Variants in ZKSCAN5 observed in about 807,000 individuals in gnomAD.
The protein encoded by ZKSCAN5 is zinc finger with KRAB and SCAN domains 5.
A neutral mutation model predicts 60.0 loss-of-function variants in ZKSCAN5; 28 were observed. The observed-to-expected ratio is 0.47, with a 90% confidence interval of 0.35 to 0.64. ZKSCAN5 has a LOEUF of 0.64. ZKSCAN5 is among the 30% of genes least tolerant of loss of function. The pLI is 0.01. For missense variants in ZKSCAN5, 881 were observed against 1,034.6 expected (o/e 0.85, Z 2.04); for synonymous variants, 361 against 371.2 (o/e 0.97, Z 0.31).
Position 99,506,010 on chromosome 7 carries a change from C to T in ZKSCAN5, c.-35C>T. ...CAGAAAAACAATTGTTTCAGTGTAACACAGCCAGCCTCGAAGACTTCCCTC... is the reference window on the plus strand; with the variant it reads ...CAGAAAAACAATTGTTTCAGTGTAATACAGCCAGCCTCGAAGACTTCCCTC... On this transcript the variant is annotated 5_prime_UTR_variant, in exon 2 of 7. Transcript: ENST00000326775. 6.3e-7 allele frequency: 1 copy of T among 1,599,250 alleles called. No individual in the cohort carries two copies. Among genetic ancestry groups the T allele is most frequent in the Non-Finnish European group, 8.5e-7 (1 of 1,171,628 alleles).
intron 3 of ZKSCAN5, among the ~76,000 whole-genome samples, chr7:99,518,568 G>A (rs1245565138): frequency 6.6e-6 from 1 of 151,912 alleles, no homozygotes; most frequent in Non-Finnish European, 1.5e-5. Flanking sequence ...TAAAGCTCGA[G>A]CAGCCCTGGA....
Position 99,520,049 on chromosome 7 carries a change from C to T in ZKSCAN5, c.637-120C>T. 1.1e-5 allele frequency: 17 copies of T among 1,499,396 alleles called. No individual in the cohort carries two copies. In the South Asian group the frequency reaches 2.0e-4, roughly 17 times the overall value. 92.9% of individuals were successfully genotyped at this position (1,499,396 alleles called of 1,614,324 possible). On this transcript the variant is annotated intron_variant, in intron 4 of 6. Coordinates refer to ENST00000326775, the MANE Select transcript of ZKSCAN5 (RefSeq NM_145102.4). ...CCTTTTTCCTTTCTGCCTAGTCCTT[C>T]CCCATCCTCTTTGAGGCACAGTTCC...
chr7:99,512,312 C>T, intron 2 of ZKSCAN5, 141 bp from the exon 3 acceptor site: 1 of 988,388 alleles, frequency 1.0e-6, no homozygotes, highest in Non-Finnish European at 1.5e-6. Context: ...TATTAAGTAA[C>T]TGCATAATCA....
chr7:99,507,523 G>GTATATATATGTATATATATGTA (rs1351822202), intron 2 of ZKSCAN5, among the ~76,000 whole-genome samples: 8 of 133,818 alleles, frequency 6.0e-5, no homozygotes, highest in East Asian at 2.1e-4. Flanking sequence ...GTGTATATAT[G>GTATATATATGTATATATATGTA]TATATGTGTA....
chr7:99,520,676 A>T (rs1323411260), intron 5 of ZKSCAN5, among the ~76,000 whole-genome samples: 1 of 152,042 alleles, frequency 6.6e-6, no homozygotes, highest in Non-Finnish European at 1.5e-5. Context: ...ACTTTAACAA[A>T]TTTTTGGTAG....
chr7:99,525,039 G>A (rs903935424), intron 5 of ZKSCAN5, among the ~76,000 whole-genome samples: 6 of 151,854 alleles, frequency 4.0e-5, no homozygotes, highest in Admixed American at 6.6e-5. Flanking sequence ...GGTGATGTGC[G>A]CCTGTAGTCC....
rs759503353 is a variant in ZKSCAN5 at position 99,531,976 on chromosome 7, A to T, written c.2247A>T (p.Ile749=). 1 of 1,614,218 alleles carries T rather than the reference A, an allele frequency of 6.2e-7. No individual in the cohort carries two copies. The highest frequency in any genetic ancestry group is 1.1e-5 in the South Asian group (1 of 91,086). ...CAGAGAAGCCCTATCAATGTGATAT[A>T]TGTAGAGAAAATGTTGGCCAGTGTT... ...HTAEKPYQCD[I]CRENVGQCSH... is the part of the protein sequence containing the mutation. Residue 749 remains isoleucine (I), a synonymous_variant, in exon 7 of 7, where the codon ATA becomes ATT. Transcript: ENST00000326775.
chr7:99,505,929 CAA>C, intron 1 of ZKSCAN5, 74 bp from the exon 2 acceptor site: 39 of 1,241,428 alleles, frequency 3.1e-5, no homozygotes, highest in Non-Finnish European at 4.4e-5. Context: ...TAATGATGCC[CAA>C]TACATCAGTA....
At chr7:99,512,896 A>G (rs1184123829) in intron 3 of ZKSCAN5, among the ~76,000 whole-genome samples, 1 of 151,670 alleles carries the variant, frequency 6.6e-6, no homozygotes, top group African/African-American at 2.4e-5. Flanking sequence ...TTACATATGT[A>G]TACATGTGCC....
intron 2 of ZKSCAN5, among the ~76,000 whole-genome samples, chr7:99,510,021 T>A (rs764169832): frequency 2.6e-5 from 4 of 152,122 alleles, no homozygotes; most frequent in Non-Finnish European, 1.5e-5. Context: ...CATAGCTCAC[T>A]GCAGCCTCGA....
intron 3 of ZKSCAN5, among the ~76,000 whole-genome samples, chr7:99,518,685 T>C (rs985621054): frequency 6.9e-6 from 1 of 145,870 alleles, no homozygotes; most frequent in African/African-American, 2.5e-5. Flanking sequence ...TTTTTTTTTT[T>C]TTTTTTTTGA....
chr7:99,506,433 G>A lies in ZKSCAN5; in HGVS notation c.389G>A (p.Arg130Gln), dbSNP rs747307839. Reference sequence around the variant, plus strand: ...GTGGCCGTGATAGAAAATATACAGCGAGAACTTGAGGAACGCAGACAGCAG... The same window carrying A: ...GTGGCCGTGATAGAAAATATACAGCAAGAACTTGAGGAACGCAGACAGCAG... ...EAVAVIENIQ[R>Q]ELEERRQQIV... Residue 130 changes from arginine to glutamine, a missense_variant, in exon 2 of 7, where the codon CGA becomes CAA. Physicochemically the swap from Arg to Gln is conservative, Grantham distance 43. Around this residue, in one of 5 missense-constraint regions of ZKSCAN5, gnomAD observed 490 missense variants for 554.5 expected, o/e 0.88. Transcript: ENST00000326775. The A allele has an allele frequency of 1.3e-5, 21 of 1,612,652 alleles. No homozygotes were observed. Among genetic ancestry groups the A allele is most frequent in the Non-Finnish European group, 1.0e-5 (12 of 1,178,988 alleles).
chr7:99,510,898 C>T (rs1800990668), intron 2 of ZKSCAN5, among the ~76,000 whole-genome samples: 1 of 152,062 alleles, frequency 6.6e-6, no homozygotes, highest in Non-Finnish European at 1.5e-5. Flanking sequence ...TGTATGCTAC[C>T]AGGCCTGGCT....
At chr7:99,520,637 G>A (rs745738994) in intron 5 of ZKSCAN5, among the ~76,000 whole-genome samples, 1 of 152,120 alleles carries the variant, frequency 6.6e-6, no homozygotes, top group Non-Finnish European at 1.5e-5. Context: ...TTGGGAGGCC[G>A]AGGTGGGAGA....
chr7:99,531,522 T>G lies in ZKSCAN5; in HGVS notation c.1793T>G (p.Val598Gly), dbSNP rs760143198. The change falls in exon 7 of 7, where the codon GTC becomes GGC. Residue 598 changes from valine to glycine, a missense_variant. Physicochemically the swap from Val to Gly is moderately radical, Grantham distance 109 (BLOSUM62 -3). This residue lies in a region of ZKSCAN5 where 112 missense variants were observed against 182.4 expected (regional missense o/e 0.61). Transcript: ENST00000326775. ...GTGCACCTAACTCAGCATCAGCGCG[T>G]CCACACAGGTGAGAAGCCCTACACC... is the stretch of plus-strand genomic sequence containing the variant. ...QRVHLTQHQR[V>G]HTGEKPYTCP... 6.2e-7 allele frequency: 1 copy of G among 1,614,138 alleles called. No individual in the cohort carries two copies.
intron 2 of ZKSCAN5, among the ~76,000 whole-genome samples, chr7:99,507,447 ATATG>A (rs1800790094): frequency 6.6e-6 from 1 of 150,786 alleles, no homozygotes; most frequent in Admixed American, 6.7e-5. Context: ...GTTTGCGTAT[ATATG>A]TATATATATG....
chr7:99,512,633 T>G (rs766125198), intron 3 of ZKSCAN5, 42 bp downstream of exon 3: 2 of 1,593,900 alleles, frequency 1.3e-6, no homozygotes, highest in East Asian at 4.5e-5. Flanking sequence ...AGCTCAAGAG[T>G]GGGTGCCTTG....
Position 99,531,365 on chromosome 7 carries a change from G to A in ZKSCAN5, c.1636G>A (p.Glu546Lys), listed in dbSNP as rs776687865. The change falls in exon 7 of 7, where the codon GAG (glutamate) becomes AAG (lysine). Residue 546 changes from glutamate (E) to lysine (K), a missense_variant. This residue lies in a region of ZKSCAN5 where 490 missense variants were observed against 554.5 expected (regional missense o/e 0.88). Coordinates refer to ENST00000326775, the MANE Select transcript of ZKSCAN5 (RefSeq NM_145102.4). ...PYVHKKSSTG[E>K]RPHKCNECGK... ...TGTCCACAAAAAATCCTCCACTGGA[G>A]AGAGACCACATAAATGTAACGAGTG... is the stretch of plus-strand genomic sequence containing the variant. The A allele has an allele frequency of 1.2e-6, 2 of 1,614,176 alleles. No homozygotes were observed. The highest frequency in any genetic ancestry group is 1.7e-6 in the Non-Finnish European group (2 of 1,180,042).
intron 3 of ZKSCAN5, among the ~76,000 whole-genome samples, chr7:99,512,830 AT>A (rs554630743): frequency 6.7e-4 from 101 of 150,796 alleles, no homozygotes; most frequent in African/African-American, 2.4e-3. Context: ...TTATTTATTT[AT>A]TTATTATTAT....
Sources: gnomAD v4.1 joint callset for allele counts (sites outside exome capture counted in the v4.1 genomes callset) on GRCh38, gnomAD v4.1.1 for gene constraint, gnomAD v4.1.1 regional missense constraint, MANE v1.5 for transcripts, NCBI Gene and HGNC (gene_info 2026-07-23, HGNC 2026-07-21) for gene names.